The following RYR3 variants were observed in gnomAD, a reference collection of about 807,000 sequenced individuals.
The protein encoded by RYR3 is brain ryanodine receptor-calcium release channel.
Under a neutral mutation model 584.3 loss-of-function variants are expected in RYR3, and 207 were observed. The observed-to-expected ratio is 0.35, with a 90% CI of 0.32 to 0.40. The LOEUF (loss-of-function observed/expected upper bound fraction) is 0.40, where lower values mean the gene tolerates loss of function less well. Among genes scored for constraint, RYR3 ranks in the 10% least tolerant of loss-of-function variants. The probability of loss-of-function intolerance (pLI) is 1.00; values close to 1 mark genes in which losing one functional copy is unlikely to be tolerated. For synonymous variants in RYR3, 2,416 were observed against 2,248.5 expected (o/e 1.07, Z -2.11); for missense variants, 5,616 against 6,089.2 (o/e 0.92, Z 2.59).
At chr15:33,743,255 A>C (rs903612103) in intron 52 of RYR3, among the ~76,000 whole-genome samples, 2 of 152,166 alleles carry the variant, frequency 1.3e-5, no homozygotes, top group Non-Finnish European at 2.9e-5. Flanking sequence ...CCAGGAGTCT[A>C]CTGGGAGCTG....
intron 38 of RYR3, among the ~76,000 whole-genome samples, chr15:33,684,345 GCAAA>G (rs1566946529): frequency 6.6e-6 from 1 of 152,176 alleles, no homozygotes; most frequent in African/African-American, 2.4e-5. Flanking sequence ...TGATACCCAG[GCAAA>G]CAGAGTCTGG....
chr15:33,653,157 A>G (rs2062592522), intron 32 of RYR3, among the ~76,000 whole-genome samples: 1 of 152,244 alleles, frequency 6.6e-6, no homozygotes, highest in Non-Finnish European at 1.5e-5. Context: ...GTTGAGCTGT[A>G]AATGTTATTC....
At chr15:33,552,258 C>G (rs1354162511) in intron 10 of RYR3, among the ~76,000 whole-genome samples, 2 of 152,178 alleles carry the variant, frequency 1.3e-5, no homozygotes, top group African/African-American at 4.8e-5. Flanking sequence ...GCTGTGGTCT[C>G]TGGGGGAAGC....
chr15:33,402,774 G>A (rs1044507135), intron 1 of RYR3, among the ~76,000 whole-genome samples: 1 of 152,242 alleles, frequency 6.6e-6, no homozygotes, highest in African/African-American at 2.4e-5. Context: ...ACTCTGCTGG[G>A]ATATCAAATT....
intron 98 of RYR3, among the ~76,000 whole-genome samples, chr15:33,855,712 G>A (rs2079583384): frequency 6.6e-6 from 1 of 151,910 alleles, no homozygotes; most frequent in African/African-American, 2.4e-5. Flanking sequence ...TATACACATA[G>A]TACACATTTT....
chr15:33,574,178 G>T (rs1488340883), intron 12 of RYR3, among the ~76,000 whole-genome samples: 1 of 152,172 alleles, frequency 6.6e-6, no homozygotes, highest in Non-Finnish European at 1.5e-5. Flanking sequence ...TGGTGCATTT[G>T]CTGCCTCAGC....
At chr15:33,533,932 TAC>T (rs2055099560) in intron 5 of RYR3, among the ~76,000 whole-genome samples, 1 of 152,334 alleles carries the variant, frequency 6.6e-6, no homozygotes, top group South Asian at 2.1e-4. Context: ...CTTAAAATTT[TAC>T]AGACAAAACT....
intron 47 of RYR3, among the ~76,000 whole-genome samples, chr15:33,730,430 C>T (rs947944124): frequency 6.6e-6 from 1 of 152,132 alleles, no homozygotes; most frequent in Non-Finnish European, 1.5e-5. Context: ...TGTCCTTTCT[C>T]GTTTTAAGTC....
chr15:33,460,940 C>CTTTTTTTTTTTTTTTTTTT lies in RYR3; in HGVS notation c.52-12475_52-12457dup, dbSNP rs66742049. On this transcript the variant is annotated intron_variant, in intron 1 of 103. Coordinates refer to ENST00000634891, the MANE Select transcript of RYR3 (RefSeq NM_001036.6). ...GGAATTTGTGGCACATAATATCCAC[C>CTTTTTTTTTTTTTTTTTTT]TTTTTTTTTTTTTTTTTTTTTTAAG... 5.2e-4 allele frequency among the ~76,000 whole-genome samples: 41 copies of CTTTTTTTTTTTTTTTTTTT among 79,210 alleles called. 9 individuals carry two copies. Among genetic ancestry groups the CTTTTTTTTTTTTTTTTTTT allele is most frequent in the East Asian group, 3.2e-3 (7 of 2,202 alleles). The allele number at this position is 79,210 out of a possible 152,430, so 52.0% of individuals were successfully genotyped here. A position where few individuals can be genotyped will look rare whatever the true frequency, so the allele number is the denominator to read the frequency against.
At chr15:33,485,240 A>AGG (rs1412534067) in intron 2 of RYR3, among the ~76,000 whole-genome samples, 1 of 152,210 alleles carries the variant, frequency 6.6e-6, no homozygotes, top group Admixed American at 6.5e-5. Context: ...AGCTCTTTCA[A>AGG]TGGCATGTGG....
chr15:33,678,530 T>C (rs1457953540), intron 38 of RYR3, among the ~76,000 whole-genome samples: 1 of 152,226 alleles, frequency 6.6e-6, no homozygotes, highest in Non-Finnish European at 1.5e-5. Context: ...AATTATGCAA[T>C]CTCAGGTAGT....
In RYR3 at chr15:33,785,739, G is replaced by C; in HGVS notation, c.9346G>C (p.Asp3116His). 3.1e-6 allele frequency: 5 copies of C among 1,613,846 alleles called. No individual in the cohort carries two copies. The South Asian group carries it at 4.4e-5, about 14-fold the overall frequency. ...GGAAGGCCTGATGAAGGAAATCAAC[G>C]ACCTGGCCGAGTCAGGGGCCCGGTA... Reference protein sequence around the residue: ...QLEGLMKEINDLAESGARYTE... With the variant: ...QLEGLMKEINHLAESGARYTE... The change falls in exon 66 of 104, where the codon GAC (aspartate) becomes CAC (histidine). Residue 3116 changes from aspartate to histidine, a missense_variant. Around this residue, in one of 9 missense-constraint regions of RYR3, gnomAD observed 954 missense variants for 1,132.2 expected, o/e 0.84. Coordinates refer to ENST00000634891, the MANE Select transcript of RYR3 (RefSeq NM_001036.6).
At chr15:33,466,687 G>A (rs2596164) in intron 1 of RYR3, among the ~76,000 whole-genome samples, 87,989 of 152,102 alleles carry the variant, frequency 0.58, 26,083 homozygotes, top group African/African-American at 0.73. Flanking sequence ...TGGGTCTATT[G>A]TAGAAGCAAA....
intron 1 of RYR3, among the ~76,000 whole-genome samples, chr15:33,441,636 C>G (rs2046241849): frequency 6.6e-6 from 1 of 152,152 alleles, no homozygotes; most frequent in Admixed American, 6.5e-5. Context: ...TCTCAAAACT[C>G]TGTGATCATA....
rs2060841372 is a variant in RYR3 at position 33,623,692 on chromosome 15, T to G, written c.2358-115T>G. On this transcript the variant is annotated intron_variant, in intron 19 of 103. Coordinates refer to ENST00000634891, the MANE Select transcript of RYR3 (RefSeq NM_001036.6). ...CTGTGGTTAACCTGAAGTCGTTTACTTCTCAACAAAATTATGTTGAGGGTG... is the reference window on the plus strand; with the variant it reads ...CTGTGGTTAACCTGAAGTCGTTTACGTCTCAACAAAATTATGTTGAGGGTG... The G allele has an allele frequency of 4.1e-6, 3 of 739,672 alleles. No individual in the cohort carries two copies. In the East Asian group the frequency reaches 7.8e-5, roughly 19 times the overall value. 45.8% of individuals were successfully genotyped at this position (739,672 alleles called of 1,614,324 possible).
Position 33,651,130 on chromosome 15 carries a change from G to A in RYR3, c.4143-1588G>A, listed in dbSNP as rs186376560. Among the ~76,000 whole-genome samples, 21 of 152,244 alleles carry A rather than the reference G, an allele frequency of 1.4e-4. No homozygotes were observed. In the East Asian group the frequency reaches 3.9e-3, roughly 28 times the overall value. ...CATTAACTGACATTTTAGCACCTAG[G>A]ATAAGACATACTATATGGTACACAT... On this transcript the variant is annotated intron_variant, in intron 31 of 103. Coordinates refer to ENST00000634891, the MANE Select transcript of RYR3 (RefSeq NM_001036.6).
At chr15:33,406,025 G>A (rs984114850) in intron 1 of RYR3, among the ~76,000 whole-genome samples, 6 of 152,146 alleles carry the variant, frequency 3.9e-5, no homozygotes, top group African/African-American at 1.2e-4. Context: ...TAGTTTATGC[G>A]CCTACCCTTG....
chr15:33,777,689 G>A (rs1169567568), intron 64 of RYR3, among the ~76,000 whole-genome samples: 1 of 151,544 alleles, frequency 6.6e-6, no homozygotes, highest in East Asian at 1.9e-4. Context: ...CTGAGACTTA[G>A]CAACAGCCTT....
intron 3 of RYR3, among the ~76,000 whole-genome samples, chr15:33,524,972 T>C (rs1446989137): frequency 6.6e-6 from 1 of 152,230 alleles, no homozygotes; most frequent in African/African-American, 2.4e-5. Context: ...ATCGTATCTG[T>C]CTTCTATTGC....
Sources: gnomAD v4.1 joint callset for allele counts (sites outside exome capture counted in the v4.1 genomes callset) on GRCh38, gnomAD v4.1.1 for gene constraint, gnomAD v4.1.1 regional missense constraint, MANE v1.5 for transcripts, NCBI Gene and HGNC (gene_info 2026-07-23, HGNC 2026-07-21) for gene names.